The following RBFOX1 variants were observed in gnomAD, a reference collection of about 807,000 sequenced individuals.
The protein encoded by RBFOX1 is RNA binding fox-1 homolog 1, also known as RNA binding protein fox-1 homolog 1.
A neutral mutation model predicts 57.7 loss-of-function variants in RBFOX1; 8 were observed. The observed-to-expected ratio is 0.14, with a 90% CI of 0.08 to 0.25. RBFOX1 has a LOEUF of 0.25. RBFOX1 is among the 10% of genes least tolerant of loss of function. The pLI is 1.00. For missense variants in RBFOX1, 611 were observed against 548.5 expected, an observed-to-expected ratio of 1.11 and a Z score of -1.14; for synonymous variants, 326 against 222.4, an observed-to-expected ratio of 1.47 and a Z score of -4.15.
chr16:6,310,401 A>G (rs1221855304), intron 1 of RBFOX1, among the ~76,000 whole-genome samples: 2 of 152,234 alleles, frequency 1.3e-5, no homozygotes, highest in South Asian at 2.1e-4. Flanking sequence ...TTTGCACAGC[A>G]CAGTAAAACT....
intron 3 of RBFOX1, among the ~76,000 whole-genome samples, chr16:5,612,812 T>C (rs994377337): frequency 2.6e-5 from 4 of 152,224 alleles, no homozygotes; most frequent in Admixed American, 6.5e-5. Context: ...ACCCTAAGCA[T>C]TGAAGACCTC....
chr16:7,455,896 TTC>T (rs1332761661), intron 4 of RBFOX1, among the ~76,000 whole-genome samples: 2 of 152,078 alleles, frequency 1.3e-5, no homozygotes, highest in African/African-American at 4.8e-5. Flanking sequence ...CTAAGATTCA[TTC>T]TCTGTTTTTA....
chr16:6,682,387 C>A (rs958777963), intron 3 of RBFOX1, among the ~76,000 whole-genome samples: 1 of 151,780 alleles, frequency 6.6e-6, no homozygotes, highest in African/African-American at 2.4e-5. Flanking sequence ...CCGATTGCCC[C>A]TTCTTGGGGA....
In RBFOX1 at chr16:6,340,825, A is replaced by G. The variant is rs377252979; in HGVS notation, c.-64+23768A>G. 3.3e-5 allele frequency among the ~76,000 whole-genome samples: 5 copies of G among 152,228 alleles called. No individual in the cohort carries two copies. The South Asian group carries it at 6.2e-4, about 19-fold the overall frequency. ...CTTAGCCTCCTTTTACGCAGCCCCT[A>G]TTCAATATGGAGTTGCCCTTGTTCA... On this transcript the variant is annotated intron_variant, in intron 2 of 15. Transcript: ENST00000550418.
chr16:6,256,950 C>A (rs947241487), intron 1 of RBFOX1, among the ~76,000 whole-genome samples: 8 of 151,904 alleles, frequency 5.3e-5, no homozygotes, highest in African/African-American at 1.9e-4. Context: ...ATGTGTGCAC[C>A]CCAAAGCGTA....
intron 4 of RBFOX1, among the ~76,000 whole-genome samples, chr16:7,510,956 A>C (rs1373371056): frequency 2.6e-5 from 4 of 152,190 alleles, no homozygotes; most frequent in Admixed American, 1.3e-4. Flanking sequence ...TCTCCACAGC[A>C]GGAAATAAAC....
chr16:6,831,462 C>T (rs1177649132), intron 3 of RBFOX1, among the ~76,000 whole-genome samples: 2 of 152,274 alleles, frequency 1.3e-5, no homozygotes, highest in East Asian at 1.9e-4. Context: ...GCAAACCCTC[C>T]AACCAAATGC....
chr16:5,475,780 T>C (rs998025254), intron 2 of RBFOX1, among the ~76,000 whole-genome samples: 1 of 152,232 alleles, frequency 6.6e-6, no homozygotes, highest in Non-Finnish European at 1.5e-5. Flanking sequence ...CAAGAGTGCC[T>C]GGACCTGGCT....
rs117909728 is a variant in RBFOX1 at position 6,513,472 on chromosome 16, G to A, written c.-63-141131G>A. Among the ~76,000 whole-genome samples, 996 of 152,256 alleles carry A rather than the reference G, an allele frequency of 6.5e-3. 21 individuals are homozygous for A. In the East Asian group the frequency reaches 0.094, roughly 14 times the overall value. On this transcript the variant is annotated intron_variant, in intron 2 of 15. Coordinates refer to ENST00000550418, the MANE Select transcript of RBFOX1 (RefSeq NM_018723.4). ...CATGAGGCCGGGCGCGGTGGCTCAC[G>A]TCTGTAATCTCATCACTTTGGGAGG...
chr16:6,140,187 C>CTTTTTTTTTTTTTTTTTTTT (rs5815288), intron 1 of RBFOX1, among the ~76,000 whole-genome samples: 1 of 137,294 alleles, frequency 7.3e-6, no homozygotes. Context: ...CTGGAAATGA[C>CTTTTTTTTTTTTTTTTTTTT]TTTTTTTTTT....
intron 4 of RBFOX1, among the ~76,000 whole-genome samples, chr16:7,454,685 T>C (rs1289128191): frequency 6.6e-6 from 1 of 152,114 alleles, no homozygotes; most frequent in Non-Finnish European, 1.5e-5. Flanking sequence ...AGAAGGAATA[T>C]GGTGGAGGAA....
chr16:6,645,819 C>G (rs983724708), intron 2 of RBFOX1, among the ~76,000 whole-genome samples: 2 of 152,094 alleles, frequency 1.3e-5, no homozygotes, highest in African/African-American at 4.8e-5. Context: ...TAGCCACAAA[C>G]GAGGCAACCA....
At chr16:6,776,901 T>C (rs1461167482) in intron 3 of RBFOX1, among the ~76,000 whole-genome samples, 1 of 152,218 alleles carries the variant, frequency 6.6e-6, no homozygotes, top group Non-Finnish European at 1.5e-5. Flanking sequence ...ACAGCAAATA[T>C]TAATTTTTAA....
chr16:7,174,283 A>G lies in RBFOX1; in HGVS notation c.27+122185A>G, dbSNP rs1398186913. Among the ~76,000 whole-genome samples the G allele has an allele frequency of 3.3e-5, 5 of 152,080 alleles. No homozygotes were observed. The East Asian group carries it at 5.8e-4, about 18-fold the overall frequency. ...TTATTATTGAGTAATATTCCATGGT[A>G]TGGATGGACCACATTTTGTTTATCC... On this transcript the variant is annotated intron_variant, in intron 4 of 15. Transcript: ENST00000550418.
intron 12 of RBFOX1, among the ~76,000 whole-genome samples, chr16:7,657,680 G>A (rs1403664392): frequency 6.6e-6 from 1 of 152,206 alleles, no homozygotes; most frequent in Non-Finnish European, 1.5e-5. Flanking sequence ...CCATGCAGCT[G>A]AAGAACATCG....
intron 3 of RBFOX1, among the ~76,000 whole-genome samples, chr16:5,688,236 T>G (rs1289989143): frequency 6.6e-6 from 1 of 152,230 alleles, no homozygotes; most frequent in Non-Finnish European, 1.5e-5. Flanking sequence ...TTCATAGAGG[T>G]GCATCTTTGC....
chr16:6,040,095 A>G (rs1361872817), intron 1 of RBFOX1, among the ~76,000 whole-genome samples: 1 of 152,218 alleles, frequency 6.6e-6, no homozygotes, highest in Non-Finnish European at 1.5e-5. Flanking sequence ...ATTTGTTACA[A>G]TTCATGAACA....
In RBFOX1 at chr16:5,993,805, C is replaced by T. The variant is rs112618904; in HGVS notation, c.351+126470C>T. Among the ~76,000 whole-genome samples, 5 of 152,084 alleles carry T rather than the reference C, an allele frequency of 3.3e-5. No homozygotes were observed. The East Asian group carries it at 5.8e-4, about 18-fold the overall frequency. On this transcript the variant is annotated intron_variant, in intron 4 of 19. Transcript: ENST00000641259. ...GCTTGAATATTGCCGCTCATATGGC[C>T]GAATGGTTCGTTTAAGTTAAATACT...
intron 4 of RBFOX1, among the ~76,000 whole-genome samples, chr16:5,932,574 G>A (rs2059084850): frequency 1.3e-5 from 2 of 152,242 alleles, no homozygotes; most frequent in East Asian, 3.9e-4. Context: ...TAAGGTTGTC[G>A]TGATTTGTTC....
Sources: allele counts gnomAD v4.1 joint callset (sites outside exome capture counted in the v4.1 genomes callset), GRCh38; gene constraint gnomAD v4.1.1; transcripts MANE v1.5; gene names NCBI Gene and HGNC (gene_info 2026-07-23, HGNC 2026-07-21).